Variants in TTC28 observed in about 807,000 individuals in gnomAD.
TTC28 encodes the protein tetratricopeptide repeat protein 28.
In TTC28, 61 loss-of-function variants were observed where a neutral mutation model predicts 198.0. The observed-to-expected ratio is 0.31, with a 90% confidence interval of 0.25 to 0.38. TTC28 has a LOEUF of 0.38. TTC28 is among the 10% of genes least tolerant of loss of function. The pLI is 1.00. For synonymous variants in TTC28, 1,171 were observed against 1,297.8 expected (o/e 0.90, Z 2.10); for missense variants, 2,678 against 3,164.0 (o/e 0.85, Z 3.69).
intron 2 of TTC28, among the ~76,000 whole-genome samples, chr22:28,557,773 G>A (rs527710708): frequency 6.6e-6 from 1 of 152,156 alleles, no homozygotes; most frequent in African/African-American, 2.4e-5. Context: ...GGTAAATGAA[G>A]AAGGTTTTCC....
chr22:28,674,935 G>C (rs1569094257), intron 1 of TTC28, among the ~76,000 whole-genome samples: 1 of 151,488 alleles, frequency 6.6e-6, no homozygotes, highest in African/African-American at 2.4e-5. Context: ...ACCCAAAATA[G>C]CCAGTCTTGA....
chr22:28,632,064 C>T (rs2051181881), intron 1 of TTC28, among the ~76,000 whole-genome samples: 1 of 151,862 alleles, frequency 6.6e-6, no homozygotes. Context: ...GAAATAGACT[C>T]CTCAAAGAAG....
intron 12 of TTC28, among the ~76,000 whole-genome samples, chr22:28,064,156 T>A (rs1445048528): frequency 6.6e-6 from 1 of 152,106 alleles, no homozygotes; most frequent in Non-Finnish European, 1.5e-5. Flanking sequence ...TTCCTATGGA[T>A]GAGGGAAAAG....
chr22:28,488,615 A>C (rs2048338838), intron 2 of TTC28, among the ~76,000 whole-genome samples: 1 of 152,222 alleles, frequency 6.6e-6, no homozygotes, highest in South Asian at 2.1e-4. Context: ...AGCAGAAAAA[A>C]TAAGACTTTT....
chr22:28,137,001 T>C (rs1465117511), intron 6 of TTC28, among the ~76,000 whole-genome samples: 1 of 152,204 alleles, frequency 6.6e-6, no homozygotes, highest in Non-Finnish European at 1.5e-5. Flanking sequence ...TCCTCACTCC[T>C]CCAGGGCGCT....
At chr22:28,493,668 T>C (rs764611966) in intron 2 of TTC28, among the ~76,000 whole-genome samples, 3 of 152,180 alleles carry the variant, frequency 2.0e-5, no homozygotes, top group Non-Finnish European at 2.9e-5. Flanking sequence ...GTTATTAGTG[T>C]CTCATGATAG....
chr22:28,403,985 CAT>C (rs562343782), intron 2 of TTC28, among the ~76,000 whole-genome samples: 171 of 152,352 alleles, frequency 1.1e-3, no homozygotes, highest in African/African-American at 3.9e-3. Context: ...CCTCCATCAT[CAT>C]GTGGCTTTGG....
chr22:28,252,331 T>G (rs547512265), intron 5 of TTC28, among the ~76,000 whole-genome samples: 3 of 152,330 alleles, frequency 2.0e-5, no homozygotes, highest in Admixed American at 1.3e-4. Flanking sequence ...TTATTCTCTA[T>G]TCCAACTACT....
rs1179785435 is a variant in TTC28 at position 27,998,913 on chromosome 22, G to A, written c.4746C>T (p.Ser1582=). 1.9e-6 allele frequency: 3 copies of A among 1,550,736 alleles called. No individual in the cohort carries two copies. Among genetic ancestry groups the A allele is most frequent in the South Asian group, 1.2e-5 (1 of 84,064 alleles). ...SFGHPYTIPE[S]LRVQDDASDG... ...CACTGGCATCGTCCTGCACCCGCAA[G>A]GACTCAGGGATCGTGTAGGGGTGGC... Residue 1582 remains serine, a synonymous_variant, in exon 16 of 23, where the codon TCC becomes TCT. Transcript: ENST00000397906.
rs1157331407 is a variant in TTC28 at position 28,199,343 on chromosome 22, C to A, written c.934-35744G>T. 2.2e-5 allele frequency among the ~76,000 whole-genome samples: 3 copies of A among 137,736 alleles called. 1 individual carries two copies. The Admixed American group carries it at 2.2e-4, about 10-fold the overall frequency. 90.4% of individuals were successfully genotyped at this position (137,736 alleles called of 152,430 possible). A position where few individuals can be genotyped will look rare whatever the true frequency, so the allele number is the denominator to read the frequency against. The stretch of plus-strand genomic sequence containing the variant: ...ACTGGTAAATGCAAAAAGCAAGAAG[C>A]AAAACAATACTTAAAGTATAATGCC... On this transcript the variant is annotated intron_variant, in intron 5 of 22. Transcript: ENST00000397906.
intron 1 of TTC28, among the ~76,000 whole-genome samples, chr22:28,645,206 T>C (rs2051439544): frequency 6.6e-6 from 1 of 151,248 alleles, no homozygotes; most frequent in African/African-American, 2.4e-5. Flanking sequence ...CAAAAAAAAA[T>C]TGTAATAATA....
At chr22:28,545,644 G>T (rs570151082) in intron 2 of TTC28, among the ~76,000 whole-genome samples, 1 of 151,934 alleles carries the variant, frequency 6.6e-6, no homozygotes, top group Non-Finnish European at 1.5e-5. Flanking sequence ...CAGGATATAG[G>T]TTCAATATAC....
At chr22:28,293,110 G>A (rs2044818685) in intron 5 of TTC28, among the ~76,000 whole-genome samples, 2 of 152,130 alleles carry the variant, frequency 1.3e-5, no homozygotes, top group African/African-American at 4.8e-5. Context: ...ACATGGGCAG[G>A]TAAGAAGCAG....
At chr22:28,201,174 T>A (rs1203439289) in intron 5 of TTC28, among the ~76,000 whole-genome samples, 3 of 151,802 alleles carry the variant, frequency 2.0e-5, no homozygotes, top group Admixed American at 2.0e-4. Flanking sequence ...ACTTGATCAA[T>A]CTTAAAATTC....
chr22:28,366,442 C>T (rs1437077001), intron 2 of TTC28, among the ~76,000 whole-genome samples: 1 of 151,982 alleles, frequency 6.6e-6, no homozygotes, highest in Admixed American at 6.6e-5. Flanking sequence ...ATCCTTGTCC[C>T]TACTTTCTTA....
Position 27,985,427 on chromosome 22 carries a change from G to C in TTC28, c.5708-71C>G, listed in dbSNP as rs1937177007. 3.2e-6 allele frequency: 4 copies of C among 1,260,030 alleles called. No individual in the cohort carries two copies. The South Asian group carries it at 5.2e-5, about 16-fold the overall frequency. The allele number at this position is 1,260,030 out of a possible 1,614,324, so 78.1% of individuals were successfully genotyped here. Reference sequence around the variant, plus strand: ...CCAGATCTTGAACATGAGCGCTATAGGGCTCCTTGTGCAACTTCATGGAAT... The same window carrying C: ...CCAGATCTTGAACATGAGCGCTATACGGCTCCTTGTGCAACTTCATGGAAT... On this transcript the variant is annotated intron_variant, in intron 21 of 22. Coordinates refer to ENST00000397906, the MANE Select transcript of TTC28 (RefSeq NM_001145418.2).
intron 3 of TTC28, 49 bp from the exon 4 acceptor site, chr22:28,297,901 A>C (rs1233620211): frequency 6.6e-7 from 1 of 1,522,426 alleles, no homozygotes; most frequent in South Asian, 1.2e-5. Context: ...ATGTAGGATG[A>C]TACAAAAACA....
At chr22:28,099,824 G>A (rs1321304628) in intron 9 of TTC28, among the ~76,000 whole-genome samples, 2 of 152,168 alleles carry the variant, frequency 1.3e-5, no homozygotes, top group Non-Finnish European at 2.9e-5. Flanking sequence ...AAGGCATCCC[G>A]GAAATGGACG....
rs138148888 is a variant in TTC28, at chr22:28,137,397, C to G, written c.1441+25695G>C. Among the ~76,000 whole-genome samples, 670 of 152,288 alleles carry G rather than the reference C, an allele frequency of 4.4e-3. 15 individuals are homozygous for G. In the South Asian group the frequency reaches 0.061, roughly 14 times the overall value. Reference sequence around the variant, plus strand: ...ACTGACCTCTCTCTCTCTGCCTTTCCTCTCTCGCTTCTCAGAAGCGTACAG... The same window carrying G: ...ACTGACCTCTCTCTCTCTGCCTTTCGTCTCTCGCTTCTCAGAAGCGTACAG... On this transcript the variant is annotated intron_variant, in intron 6 of 22. Transcript: ENST00000397906.
Sources: gnomAD v4.1 joint callset for allele counts (sites outside exome capture counted in the v4.1 genomes callset) on GRCh38, gnomAD v4.1.1 for gene constraint, MANE v1.5 for transcripts, NCBI Gene and HGNC (gene_info 2026-07-23, HGNC 2026-07-21) for gene names.